MTG2: variants seen among roughly 807,000 people sequenced by gnomAD.
The protein encoded by MTG2 is mitochondrial ribosome associated GTPase 2, also known as mitochondrial ribosome-associated GTPase 2.
In MTG2, 23 loss-of-function variants were observed where a neutral mutation model predicts 28.6. The ratio of observed to expected loss-of-function variants is 0.80; its 90% CI spans 0.58 to 1.14. The LOEUF (loss-of-function observed/expected upper bound fraction) is 1.14. Ranked by LOEUF, MTG2 falls within the 50% of genes most tolerant of loss-of-function variation. The pLI is 0.00. For synonymous variants in MTG2, 260 were observed against 251.8 expected (o/e 1.03, Z -0.31); for missense variants, 539 against 552.0 (o/e 0.98, Z 0.24).
At chr20:62,193,386 T>C (rs1601092705) in intron 1 of MTG2, 30 bp from the exon 2 acceptor site, 2 of 1,604,770 alleles carry the variant, frequency 1.2e-6, no homozygotes, top group Non-Finnish European at 8.5e-7. Flanking sequence ...TTAAACCAAG[T>C]ATCTCATTTT....
At chr20:62,183,312 G>A (rs1431126766) in intron 1 of MTG2, among the ~76,000 whole-genome samples, 10 of 152,156 alleles carry the variant, frequency 6.6e-5, no homozygotes, top group Non-Finnish European at 4.4e-5. Context: ...CACTCTCTCC[G>A]CAGAACCGCG....
rs949733550 is a variant in MTG2 at position 62,193,058 on chromosome 20, T to C, written c.-5-358T>C. On this transcript the variant is annotated intron_variant, in intron 1 of 6. Coordinates refer to ENST00000370823, the MANE Select transcript of MTG2 (RefSeq NM_015666.4). ...ACACTCTTGATAACATTTTAATAAA[T>C]GGGTGTTTTTCTTTTCAAGAAATTT... 3.3e-5 allele frequency among the ~76,000 whole-genome samples: 5 copies of C among 152,364 alleles called. 1 individual carries two copies. Among genetic ancestry groups the C allele is most frequent in the Admixed American group, 2.6e-4 (4 of 15,306 alleles).
At position 62,202,223 on chromosome 20, in the gene MTG2, G is replaced by T. The variant is rs766402855; in HGVS notation, c.*1146G>T. On this transcript the variant is annotated 3_prime_UTR_variant, in exon 7 of 7. Transcript: ENST00000370823. Reference sequence around the variant, plus strand: ...GCAGAGGAGCCCCAGGGCAAGGACAGCTCAGCTGCTGGCAGCCTGCCTGGC... The same window carrying T: ...GCAGAGGAGCCCCAGGGCAAGGACATCTCAGCTGCTGGCAGCCTGCCTGGC... 56 of 152,416 alleles carry T rather than the reference G, an allele frequency of 3.7e-4. No homozygotes were observed. The highest frequency in any genetic ancestry group is 7.2e-4 in the Admixed American group (11 of 15,286). 9.4% of individuals were successfully genotyped at this position (152,416 alleles called of 1,614,324 possible). A position where few individuals can be genotyped will look rare whatever the true frequency, so the allele number is the denominator to read the frequency against.
Position 62,185,559 on chromosome 20 carries a change from C to G in MTG2, c.-6+2502C>G, listed in dbSNP as rs768701812. The stretch of plus-strand genomic sequence containing the variant: ...CGCTGAAGCACAAGAATTGCTTGAA[C>G]CCAGGAGGCGAAGGTTGCAGTGAGG... On this transcript the variant is annotated intron_variant, in intron 1 of 6. Transcript: ENST00000370823. Among the ~76,000 whole-genome samples, 56 of 152,198 alleles carry G rather than the reference C, an allele frequency of 3.7e-4. No homozygotes were observed. In the Middle Eastern group the frequency reaches 0.014, roughly 37 times the overall value.
At chr20:62,199,692 CT>C (rs576466526) in intron 6 of MTG2, among the ~76,000 whole-genome samples, 15,773 of 90,194 alleles carry the variant, frequency 0.17, 340 homozygotes, top group South Asian at 0.29. Context: ...ATGTAAACAA[CT>C]TTTTTTTTTT....
intron 1 of MTG2, among the ~76,000 whole-genome samples, chr20:62,192,159 C>G (rs900614602): frequency 1.3e-5 from 2 of 152,238 alleles, no homozygotes; most frequent in Non-Finnish European, 2.9e-5. Flanking sequence ...AGTCACCCCC[C>G]ACTTCAGATG....
At chr20:62,200,575 G>A (rs560601255) in intron 6 of MTG2, 108 bp from the exon 7 acceptor site, 38 of 1,345,930 alleles carry the variant, frequency 2.8e-5, no homozygotes, top group Admixed American at 1.9e-4. Context: ...CAGGAAATCC[G>A]CCTTCGCAGT....
Position 62,200,811 on chromosome 20 carries a change from A to G in MTG2, c.955A>G (p.Thr319Ala), listed in dbSNP as rs749577136. The G allele has an allele frequency of 1.2e-6, 2 of 1,613,706 alleles. No homozygotes were observed. The highest frequency in any genetic ancestry group is 1.7e-5 in the Admixed American group (1 of 60,000). Residue 319 changes from threonine to alanine, a missense_variant, in exon 7 of 7, where the codon ACT (threonine) becomes GCT (alanine). Coordinates refer to ENST00000370823, the MANE Select transcript of MTG2 (RefSeq NM_015666.4). ...GGATCTTTCTCAGCCTGAGCCGTGG[A>G]CTCAAGTTGACGATTTAAAATATGA... Reference protein sequence around the residue: ...VVDLSQPEPWTQVDDLKYELE... With the variant: ...VVDLSQPEPWAQVDDLKYELE...
chr20:62,193,467 A>G lies in MTG2; in HGVS notation c.47A>G (p.Gln16Arg). The G allele has an allele frequency of 6.2e-7, 1 of 1,614,182 alleles. No homozygotes were observed. Among genetic ancestry groups the G allele is most frequent in the Non-Finnish European group, 8.5e-7 (1 of 1,180,028 alleles). Residue 16 changes from glutamine to arginine, a missense_variant, in exon 2 of 7, where the codon CAG becomes CGG. Gln to Arg is a conservative substitution (Grantham distance 43, BLOSUM62 1). Coordinates refer to ENST00000370823, the MANE Select transcript of MTG2 (RefSeq NM_015666.4). The part of the protein sequence containing the change: ...CFSARLRTVF[Q>R]GVGHWALSTW... The stretch of plus-strand genomic sequence containing the variant: ...TCAGCAAGATTGAGGACCGTGTTTC[A>G]GGGCGTGGGGCATTGGGCTTTGTCC...
intron 4 of MTG2, chr20:62,198,183 T>C: frequency 1.7e-6 from 1 of 572,534 alleles, no homozygotes; most frequent in Non-Finnish European, 3.1e-6. Flanking sequence ...ACCATGTGCA[T>C]GTCTAGTGAA....
chr20:62,201,185 G>T lies in MTG2; in HGVS notation c.*108G>T. The T allele has an allele frequency of 6.7e-6, 9 of 1,350,990 alleles. No homozygotes were observed. Among genetic ancestry groups the T allele is most frequent in the Non-Finnish European group, 8.8e-6 (9 of 1,021,110 alleles). The allele number at this position is 1,350,990 out of a possible 1,614,324, so 83.7% of individuals were successfully genotyped here. A position where few individuals can be genotyped will look rare whatever the true frequency, so the allele number is the denominator to read the frequency against. ...CTTGTGGACACGGGGGAGTTGTGGT[G>T]CTTCTGGGTCTCTGGGCCCCGCCTG... On this transcript the variant is annotated 3_prime_UTR_variant, in exon 7 of 7. Transcript: ENST00000370823.
intron 3 of MTG2, among the ~76,000 whole-genome samples, chr20:62,196,169 T>C (rs1432587824): frequency 1.2e-5 from 1 of 82,546 alleles, no homozygotes; most frequent in Admixed American, 1.6e-4. Context: ...GTTTTTTTGT[T>C]TTTTTTTTTT....
At chr20:62,198,180 G>C (rs1054565478) in intron 4 of MTG2, 1 of 575,876 alleles carries the variant, frequency 1.7e-6, no homozygotes, top group Admixed American at 3.1e-5. Context: ...CACACCATGT[G>C]CATGTCTAGT....
chr20:62,184,627 G>GGCCTCCTGCTCCT (rs1286679349), intron 1 of MTG2, among the ~76,000 whole-genome samples: 1 of 152,098 alleles, frequency 6.6e-6, no homozygotes, highest in Admixed American at 6.6e-5. Context: ...TCCATGTCCC[G>GGCCTCCTGCTCCT]GCCTCCTGCT....
rs755921015 is a variant in MTG2 at position 62,193,598 on chromosome 20, A to G, written c.178A>G (p.Lys60Glu). ...CGCCAAGCATCAGGAACTCCCGGGG[A>G]AGAAGCTGCTCTCTGAGAAAAAGCT... The part of the protein sequence containing the change: ...DLAKHQELPG[K>E]KLLSEKKLKR... Residue 60 changes from lysine to glutamate, a missense_variant, in exon 2 of 7, where the codon AAG becomes GAG. Lys to Glu is a moderately conservative substitution (Grantham distance 56, BLOSUM62 1). Transcript: ENST00000370823. 1.9e-6 allele frequency: 3 copies of G among 1,612,700 alleles called. No individual in the cohort carries two copies. The highest frequency in any genetic ancestry group is 2.5e-6 in the Non-Finnish European group (3 of 1,179,892).
In MTG2 at chr20:62,197,941, C is replaced by T. The variant is rs915870996; in HGVS notation, c.442C>T (p.Arg148Cys). 41 of 1,614,002 alleles carry T rather than the reference C, an allele frequency of 2.5e-5. No homozygotes were observed. The highest frequency in any genetic ancestry group is 6.7e-5 in the African/African-American group (5 of 74,952). ...EDGGSKNCFGRSGAVLYIRVP... is the reference protein window; with the variant it reads ...EDGGSKNCFGCSGAVLYIRVP... ...TGGAGGGAGTAAAAACTGCTTCGGG[C>T]GCAGTGGCGCCGTCCTCTACATCCG... Residue 148 changes from arginine (R) to cysteine (C), a missense_variant, in exon 4 of 7, where the codon CGC (arginine) becomes TGC (cysteine). Arg to Cys is a radical substitution (Grantham distance 180). Coordinates refer to ENST00000370823, the MANE Select transcript of MTG2 (RefSeq NM_015666.4).
chr20:62,201,503 TGGC>T lies in MTG2; in HGVS notation c.*427_*429del. 15 of 164,574 alleles carry T rather than the reference TGGC, an allele frequency of 9.1e-5. No homozygotes were observed. The highest frequency in any genetic ancestry group is 7.0e-4 in the South Asian group (4 of 5,716). The allele number at this position is 164,574 out of a possible 1,614,324, so 10.2% of individuals were successfully genotyped here. A position where few individuals can be genotyped will look rare whatever the true frequency, so the allele number is the denominator to read the frequency against. On this transcript the variant is annotated 3_prime_UTR_variant, in exon 7 of 7. Coordinates refer to ENST00000370823, the MANE Select transcript of MTG2 (RefSeq NM_015666.4). ...CAGCACAGTGCCCGTCGTGCTTCCA[TGGC>T]TTGCTACGGAGAGAGACCTCTGGAT...
chr20:62,183,292 G>C (rs890465352), intron 1 of MTG2, among the ~76,000 whole-genome samples: 18 of 151,966 alleles, frequency 1.2e-4, no homozygotes, highest in African/African-American at 3.6e-4. Flanking sequence ...CTTGCTCCCC[G>C]GTCCTGCCCC....
chr20:62,184,334 G>T (rs2057794594), intron 1 of MTG2, among the ~76,000 whole-genome samples: 4 of 151,974 alleles, frequency 2.6e-5, no homozygotes, highest in African/African-American at 4.8e-5. Context: ...CTCCAGCCTA[G>T]GCAACAGAGC....
Sources: gnomAD v4.1 joint callset for allele counts (sites outside exome capture counted in the v4.1 genomes callset) on GRCh38, gnomAD v4.1.1 for gene constraint, MANE v1.5 for transcripts, NCBI Gene and HGNC (gene_info 2026-07-23, HGNC 2026-07-21) for gene names.